PCDHGC3: variants seen among roughly 807,000 people sequenced by gnomAD.
PCDHGC3 encodes the protein protocadherin gamma subfamily C, 3, also known as protocadherin gamma-C3.
Under a neutral mutation model 59.2 loss-of-function variants are expected in PCDHGC3, and 26 were observed. The ratio of observed to expected loss-of-function variants is 0.44; its 90% CI spans 0.32 to 0.61. The LOEUF is 0.61. Among genes scored for constraint, PCDHGC3 ranks in the 20% least tolerant of loss-of-function variants. PCDHGC3 has a pLI of 0.05. For missense variants in PCDHGC3, 1,080 were observed against 1,221.8 expected, an observed-to-expected ratio of 0.88 and a Z score of 1.73; for synonymous variants, 487 against 519.7, an observed-to-expected ratio of 0.94 and a Z score of 0.86.
rs745334496 is a variant in PCDHGC3 at position 141,478,302 on chromosome 5, C to A, written c.2186C>A (p.Ala729Asp). 47 of 1,613,952 alleles carry A rather than the reference C, an allele frequency of 2.9e-5. 1 individual carries two copies. In the Admixed American group the frequency reaches 7.0e-4, roughly 24 times the overall value. Residue 729 changes from alanine (A) to aspartate (D), a missense_variant, in exon 1 of 4, where the codon GCC becomes GAC. Physicochemically the swap from Ala to Asp is moderately radical, Grantham distance 126. Transcript: ENST00000308177. ...AAGCAGTCTAGAGACCTATACCGAGCCCCGGTGAGCTCACTGTACCGAACA... is the reference window on the plus strand; with the variant it reads ...AAGCAGTCTAGAGACCTATACCGAGACCCGGTGAGCTCACTGTACCGAACA... The part of the protein sequence containing the change: ...KWKQSRDLYR[A>D]PVSSLYRTPG...
chr5:141,510,141 T>C (rs1596266322), intron 3 of PCDHGC3, among the ~76,000 whole-genome samples: 1 of 152,014 alleles, frequency 6.6e-6, no homozygotes. Flanking sequence ...GGGCTAGTGG[T>C]GTGCACCTGT....
In PCDHGC3 at chr5:141,506,418, G is replaced by A. The variant is rs2099853241; in HGVS notation, c.2578+937G>A. Among the ~76,000 whole-genome samples, 3 of 141,160 alleles carry A rather than the reference G, an allele frequency of 2.1e-5. No homozygotes were observed. The South Asian group carries it at 6.6e-4, about 31-fold the overall frequency. 92.6% of individuals were successfully genotyped at this position (141,160 alleles called of 152,430 possible). The stretch of plus-strand genomic sequence containing the variant: ...CAGAAAATCGCACCACTGCACTCCA[G>A]CCTGGGCAACAGTCTCGCTCTGTCT... On this transcript the variant is annotated intron_variant, in intron 3 of 3. Coordinates refer to ENST00000308177, the MANE Select transcript of PCDHGC3 (RefSeq NM_002588.4).
In PCDHGC3 at chr5:141,490,745, C is replaced by T. The variant is rs769031787; in HGVS notation, c.2431-4062C>T. 22 of 1,614,120 alleles carry T rather than the reference C, an allele frequency of 1.4e-5. No individual in the cohort carries two copies. Among genetic ancestry groups the T allele is most frequent in the Non-Finnish European group, 1.9e-5 (22 of 1,180,050 alleles). On this transcript the variant is annotated intron_variant, in intron 1 of 3. Transcript: ENST00000308177. The surrounding 1 kb of genome is among the most constrained non-coding windows in gnomAD (Gnocchi z 5.4). Reference sequence around the variant, plus strand: ...GTAGGAAATCAGGTTCAGGGAGCCCCAGCCTCCTCCTTTGTGTATGTCAAC... The same window carrying T: ...GTAGGAAATCAGGTTCAGGGAGCCCTAGCCTCCTCCTTTGTGTATGTCAAC...
At chr5:141,494,724 T>C in intron 1 of PCDHGC3, 83 bp from the exon 2 acceptor site, 1 of 1,606,108 alleles carries the variant, frequency 6.2e-7, no homozygotes, top group South Asian at 1.1e-5. Flanking sequence ...CCCCTCCTTC[T>C]CTCCCGGCCC....
rs1417754081 is a variant in PCDHGC3, at chr5:141,512,046, T to C, written c.*873T>C. 1 of 152,746 alleles carries C rather than the reference T, an allele frequency of 6.5e-6. No individual in the cohort carries two copies. Among genetic ancestry groups the C allele is most frequent in the East Asian group, 1.9e-4 (1 of 5,190 alleles). 9.5% of individuals were successfully genotyped at this position (152,746 alleles called of 1,614,324 possible). Reference sequence around the variant, plus strand: ...GCCTTGGAGGAGGCTCTGTATGTCCTCAGGGGACTGACAACATCCTCCAGA... The same window carrying C: ...GCCTTGGAGGAGGCTCTGTATGTCCCCAGGGGACTGACAACATCCTCCAGA... On this transcript the variant is annotated 3_prime_UTR_variant, in exon 4 of 4. Transcript: ENST00000308177.
chr5:141,501,017 C>T (rs1383853662), intron 2 of PCDHGC3, among the ~76,000 whole-genome samples: 5 of 151,866 alleles, frequency 3.3e-5, no homozygotes, highest in African/African-American at 7.3e-5. Flanking sequence ...TACAGGCACG[C>T]GCCACCACGC....
At position 141,477,744 on chromosome 5, in the gene PCDHGC3, G is replaced by A; in HGVS notation, c.1628G>A (p.Gly543Asp). Residue 543 changes from glycine (G) to aspartate (D), a missense_variant, in exon 1 of 4, where the codon GGC (glycine) becomes GAC (aspartate). Coordinates refer to ENST00000308177, the MANE Select transcript of PCDHGC3 (RefSeq NM_002588.4). The surrounding 1 kb of genome is among the most constrained non-coding windows in gnomAD (Gnocchi z 4.9). Reference sequence around the variant, plus strand: ...TTAACAGCTCATATCAGCGATGGGGGCACCCCGGTCCTAGCCACCAACATC... The same window carrying A: ...TTAACAGCTCATATCAGCGATGGGGACACCCCGGTCCTAGCCACCAACATC... ...FELTAHISDG[G>D]TPVLATNISV... 6.2e-7 allele frequency: 1 copy of A among 1,613,778 alleles called. No homozygotes were observed. The highest frequency in any genetic ancestry group is 8.5e-7 in the Non-Finnish European group (1 of 1,180,028).
chr5:141,508,737 C>A (rs919094477), intron 3 of PCDHGC3, among the ~76,000 whole-genome samples: 8 of 152,010 alleles, frequency 5.3e-5, no homozygotes, highest in Non-Finnish European at 1.2e-4. Flanking sequence ...CTACACCCCC[C>A]ACCCCGCTCT....
Position 141,511,156 on chromosome 5 carries a change from A to G in PCDHGC3, c.2788A>G (p.Lys930Glu), listed in dbSNP as rs2099883637. 6.2e-7 allele frequency: 1 copy of G among 1,614,080 alleles called. No individual in the cohort carries two copies. The highest frequency in any genetic ancestry group is 1.3e-5 in the African/African-American group (1 of 74,940). Residue 930 changes from lysine (K) to glutamate (E), a missense_variant, in exon 4 of 4, where the codon AAG (lysine) becomes GAG (glutamate). By Grantham distance (56) the Lys-to-Glu change is moderately conservative (BLOSUM62 1). Transcript: ENST00000308177. ...CAATGGCAACAAGAAGAAGTCGGGC[A>G]AGAAGGAGAAGAAGTAACATGGAGG... is the stretch of plus-strand genomic sequence containing the variant. ...GGNGNKKKSG[K>E]KEKK
chr5:141,478,247 G>A lies in PCDHGC3; in HGVS notation c.2131G>A (p.Gly711Arg), dbSNP rs1377698933. 2 of 1,614,074 alleles carry A rather than the reference G, an allele frequency of 1.2e-6. No individual in the cohort carries two copies. The highest frequency in any genetic ancestry group is 3.3e-5 in the Admixed American group (2 of 60,022). The change falls in exon 1 of 4, where the codon GGA (glycine) becomes AGA (arginine). Residue 711 changes from glycine (G) to arginine (R), a missense_variant. Gly to Arg is a moderately radical substitution (Grantham distance 125). Transcript: ENST00000308177. ...TGTGGGGTTTGTGGTCACAGTGTTC[G>A]GAGTAATCATATTCAAAGTTTACAA... The part of the protein sequence containing the change: ...VSVGFVVTVF[G>R]VIIFKVYKWK...
Position 141,491,522 on chromosome 5 carries a change from A to G in PCDHGC3, c.2431-3285A>G, listed in dbSNP as rs778246278. ...TCGGACGGCACGCTCAAGTACATGG[A>G]GGTGACGCTGCGGCCCACAGACTCG... is the stretch of plus-strand genomic sequence containing the variant. On this transcript the variant is annotated intron_variant, in intron 1 of 3. Coordinates refer to ENST00000308177, the MANE Select transcript of PCDHGC3 (RefSeq NM_002588.4). The surrounding 1 kb of genome is among the most constrained non-coding windows in gnomAD (Gnocchi z 6.9). 8.1e-6 allele frequency: 13 copies of G among 1,614,024 alleles called. No homozygotes were observed. Among genetic ancestry groups the G allele is most frequent in the Non-Finnish European group, 1.1e-5 (13 of 1,180,002 alleles).
chr5:141,503,213 A>G (rs1368413073), intron 2 of PCDHGC3, among the ~76,000 whole-genome samples: 1 of 152,100 alleles, frequency 6.6e-6, no homozygotes, highest in Non-Finnish European at 1.5e-5. Flanking sequence ...AGTGCCCACC[A>G]TGAGCACCGT....
At position 141,505,390 on chromosome 5, in the gene PCDHGC3, C is replaced by T; in HGVS notation, c.2490-3C>T. On this transcript the variant is annotated splice_polypyrimidine_tract_variant and splice_region_variant and intron_variant, in intron 2 of 3. Coordinates refer to ENST00000308177, the MANE Select transcript of PCDHGC3 (RefSeq NM_002588.4). ...TGTGCTCACCATCCTACTCTCTCCCCAGCTCCCAAAATGGCGATGACACCG... is the reference window on the plus strand; with the variant it reads ...TGTGCTCACCATCCTACTCTCTCCCTAGCTCCCAAAATGGCGATGACACCG... The T allele has an allele frequency of 6.2e-7, 1 of 1,614,130 alleles. No individual in the cohort carries two copies.
In PCDHGC3 at chr5:141,491,409, G is replaced by T; in HGVS notation, c.2431-3398G>T. The T allele has an allele frequency of 6.8e-6, 11 of 1,614,118 alleles. No individual in the cohort carries two copies. Among genetic ancestry groups the T allele is most frequent in the Non-Finnish European group, 9.3e-6 (11 of 1,180,014 alleles). On this transcript the variant is annotated intron_variant, in intron 1 of 3. Coordinates refer to ENST00000308177, the MANE Select transcript of PCDHGC3 (RefSeq NM_002588.4). The surrounding 1 kb of genome is among the most constrained non-coding windows in gnomAD (Gnocchi z 6.9). ...AGTGCCTTCAGGGAAACGCAGACGG[G>T]GACGGGGGTGGAGGGCAGTGCTGCA...
Position 141,505,388 on chromosome 5 carries a change from C to T in PCDHGC3, c.2490-5C>T, listed in dbSNP as rs756505223. ...TCTGTGCTCACCATCCTACTCTCTCCCCAGCTCCCAAAATGGCGATGACAC... is the reference window on the plus strand; with the variant it reads ...TCTGTGCTCACCATCCTACTCTCTCTCCAGCTCCCAAAATGGCGATGACAC... On this transcript the variant is annotated splice_polypyrimidine_tract_variant and splice_region_variant and intron_variant, in intron 2 of 3. Transcript: ENST00000308177. The T allele has an allele frequency of 6.2e-7, 1 of 1,613,972 alleles. No homozygotes were observed. The highest frequency in any genetic ancestry group is 2.2e-5 in the East Asian group (1 of 44,886).
intron 2 of PCDHGC3, among the ~76,000 whole-genome samples, chr5:141,502,787 G>T (rs2099816081): frequency 6.6e-6 from 1 of 151,394 alleles, no homozygotes; most frequent in African/African-American, 2.4e-5. Flanking sequence ...TTACCTGGAT[G>T]ATTTCTTCAG....
chr5:141,492,499 C>T (rs2099741220), intron 1 of PCDHGC3, among the ~76,000 whole-genome samples: 1 of 152,198 alleles, frequency 6.6e-6, no homozygotes. Context: ...GGCGAGGACT[C>T]CGGAGCCTCC....
rs1225473275 is a variant in PCDHGC3 at position 141,512,442 on chromosome 5, TC to T, written c.*1271del. ...GGCCCCTGCCCTCCTGAAGCCTCAG[TC>T]CTTCACCTTGCCAGGTGCCGTTTCT... is the stretch of plus-strand genomic sequence containing the variant. On this transcript the variant is annotated 3_prime_UTR_variant, in exon 4 of 4. Transcript: ENST00000308177. 1 of 152,892 alleles carries T rather than the reference TC, an allele frequency of 6.5e-6. No individual in the cohort carries two copies. Among genetic ancestry groups the T allele is most frequent in the African/African-American group, 2.4e-5 (1 of 41,466 alleles). 9.5% of individuals were successfully genotyped at this position (152,892 alleles called of 1,614,324 possible).
At chr5:141,495,089 C>G (rs1440289878) in intron 2 of PCDHGC3, among the ~76,000 whole-genome samples, 2 of 152,284 alleles carry the variant, frequency 1.3e-5, no homozygotes, top group East Asian at 3.9e-4. Flanking sequence ...TGCCCCTTCC[C>G]TCCTCGCCAC....
Sources: allele counts gnomAD v4.1 joint callset (sites outside exome capture counted in the v4.1 genomes callset), GRCh38; gene constraint gnomAD v4.1.1; non-coding constraint Gnocchi (gnomAD v3.1); transcripts MANE v1.5; gene names NCBI Gene and HGNC (gene_info 2026-07-23, HGNC 2026-07-21).